CDH12: variants seen among roughly 807,000 people sequenced by gnomAD.
CDH12 encodes the protein cadherin 12.
In CDH12, 41 loss-of-function variants were observed where a neutral mutation model predicts 74.1. The ratio of observed to expected loss-of-function variants is 0.55; its 90% CI spans 0.43 to 0.72. CDH12 has a LOEUF of 0.72. CDH12 is among the 30% of genes least tolerant of loss of function. The probability of loss-of-function intolerance (pLI) is 0.00; values close to 1 mark genes in which losing one functional copy is unlikely to be tolerated. For synonymous variants in CDH12, 399 were observed against 355.0 expected, an observed-to-expected ratio of 1.12 and a Z score of -1.39; for missense variants, 945 against 977.2, an observed-to-expected ratio of 0.97 and a Z score of 0.44.
intron 2 of CDH12, among the ~76,000 whole-genome samples, chr5:22,406,397 T>A (rs1239641129): frequency 1.3e-5 from 2 of 152,134 alleles, no homozygotes; most frequent in Non-Finnish European, 2.9e-5. Context: ...GCAGCCTGCA[T>A]GATATTAAAG....
chr5:22,739,340 A>G, intron 1 of CDH12, among the ~76,000 whole-genome samples: 1 of 151,980 alleles, frequency 6.6e-6, no homozygotes, highest in African/African-American at 2.4e-5. Flanking sequence ...ACATTAAAGA[A>G]AAAACTCTGA....
chr5:22,550,339 A>G (rs1299510221), intron 1 of CDH12, among the ~76,000 whole-genome samples: 1 of 152,156 alleles, frequency 6.6e-6, no homozygotes, highest in African/African-American at 2.4e-5. Flanking sequence ...CCCATTGCCA[A>G]TCTGACAAAT....
chr5:22,555,870 A>G (rs1738781374), intron 1 of CDH12, among the ~76,000 whole-genome samples: 1 of 145,576 alleles, frequency 6.9e-6, no homozygotes, highest in Non-Finnish European at 1.5e-5. Context: ...ACAAACAATC[A>G]AGACCAAACA....
intron 3 of CDH12, among the ~76,000 whole-genome samples, chr5:22,370,077 T>C (rs1741212710): frequency 6.6e-6 from 1 of 152,188 alleles, no homozygotes; most frequent in Non-Finnish European, 1.5e-5. Flanking sequence ...CAGAAGCTTT[T>C]CTTTTCCCTT....
chr5:22,018,011 G>T (rs1051490532), intron 5 of CDH12, among the ~76,000 whole-genome samples: 4 of 152,000 alleles, frequency 2.6e-5, no homozygotes, highest in Admixed American at 2.0e-4. Flanking sequence ...CGCCCACCTT[G>T]GCCTCTCAAA....
At position 22,690,498 on chromosome 5, in the gene CDH12, T is replaced by G. The variant is rs1015685431; in HGVS notation, c.-523+162560A>C. ...AATTTACTTATTCCCTGACTCAATC[T>G]AAATCTATCTTCTGGAGATACAGAT... On this transcript the variant is annotated intron_variant, in intron 1 of 14. Transcript: ENST00000382254. Among the ~76,000 whole-genome samples, 12 of 152,304 alleles carry G rather than the reference T, an allele frequency of 7.9e-5. No homozygotes were observed. The South Asian group carries it at 1.7e-3, about 21-fold the overall frequency.
chr5:22,326,237 T>C (rs78146558), intron 3 of CDH12, among the ~76,000 whole-genome samples: 64,711 of 151,348 alleles, frequency 0.43, 13,833 homozygotes, highest in South Asian at 0.49. Context: ...TATTTTTTTT[T>C]TTTCTTTCTT....
At chr5:22,144,807 G>T (rs556920387) in intron 4 of CDH12, among the ~76,000 whole-genome samples, 1 of 151,730 alleles carries the variant, frequency 6.6e-6, no homozygotes, top group Non-Finnish European at 1.5e-5. Context: ...AATTCAAACC[G>T]TATGTATTGA....
intron 6 of CDH12, among the ~76,000 whole-genome samples, chr5:21,954,729 T>C (rs1191035981): frequency 6.6e-6 from 1 of 152,050 alleles, no homozygotes; most frequent in South Asian, 2.1e-4. Context: ...CAGGAGGGGT[T>C]TTAATACTGG....
intron 5 of CDH12, among the ~76,000 whole-genome samples, chr5:22,029,705 C>A (rs1301768488): frequency 6.6e-6 from 1 of 152,144 alleles, no homozygotes; most frequent in Non-Finnish European, 1.5e-5. Context: ...GTCAGTGTGG[C>A]AATTCCTCAG....
intron 2 of CDH12, among the ~76,000 whole-genome samples, chr5:22,488,182 T>A (rs1249291544): frequency 6.6e-6 from 1 of 152,222 alleles, no homozygotes; most frequent in Non-Finnish European, 1.5e-5. Flanking sequence ...AAGTAAGTCT[T>A]CAAACAAAAT....
Position 22,369,929 on chromosome 5 carries a change from G to A in CDH12, c.-333+35328C>T, listed in dbSNP as rs548422241. 2.0e-5 allele frequency among the ~76,000 whole-genome samples: 3 copies of A among 152,164 alleles called. No individual in the cohort carries two copies. The East Asian group carries it at 5.8e-4, about 29-fold the overall frequency. On this transcript the variant is annotated intron_variant, in intron 3 of 14. Coordinates refer to ENST00000382254, the MANE Select transcript of CDH12 (RefSeq NM_004061.5). ...CATTTTTCCTTAAAACATGGTGTCA[G>A]TTTCCATAGCCACAGACACAATAAC...
intron 5 of CDH12, among the ~76,000 whole-genome samples, chr5:22,070,099 T>A (rs1232659091): frequency 6.6e-6 from 1 of 152,182 alleles, no homozygotes; most frequent in African/African-American, 2.4e-5. Context: ...ATATTTAATA[T>A]CTTTTTTCTT....
intron 4 of CDH12, among the ~76,000 whole-genome samples, chr5:22,109,458 A>T (rs919743202): frequency 2.0e-5 from 3 of 152,164 alleles, no homozygotes; most frequent in African/African-American, 4.8e-5. Context: ...GGTTCAGGGA[A>T]CAAGCACAAA....
intron 6 of CDH12, among the ~76,000 whole-genome samples, chr5:21,868,176 C>CCAG: frequency 6.9e-6 from 1 of 144,938 alleles, no homozygotes; most frequent in African/African-American, 2.8e-5. Flanking sequence ...TGTAAATTGC[C>CCAG]TCTTTCTTTT....
intron 1 of CDH12, among the ~76,000 whole-genome samples, chr5:22,625,287 C>T (rs1301763544): frequency 6.6e-6 from 1 of 151,974 alleles, no homozygotes; most frequent in East Asian, 1.9e-4. Context: ...CACATGTACC[C>T]TAGAACTTAA....
intron 4 of CDH12, among the ~76,000 whole-genome samples, chr5:22,171,795 C>T (rs1218361798): frequency 6.6e-6 from 1 of 151,860 alleles, no homozygotes; most frequent in African/African-American, 2.4e-5. Flanking sequence ...GTGTTTATCC[C>T]TTTGCTCAAG....
At position 22,078,693 on chromosome 5, in the gene CDH12, A is replaced by G. The variant is rs372800711; in HGVS notation, c.-17T>C. On this transcript the variant is annotated 5_prime_UTR_variant, in exon 5 of 15. Coordinates refer to ENST00000382254, the MANE Select transcript of CDH12 (RefSeq NM_004061.5). The stretch of plus-strand genomic sequence containing the variant: ...TGTAAGCATTGGCAAAGGCTTTCCT[A>G]CAGCAGAGTAATAAAAACTCCAACA... 6.2e-7 allele frequency: 1 copy of G among 1,611,200 alleles called. No homozygotes were observed. The highest frequency in any genetic ancestry group is 8.5e-7 in the Non-Finnish European group (1 of 1,178,336).
At chr5:22,478,470 A>C (rs1746262748) in intron 2 of CDH12, among the ~76,000 whole-genome samples, 1 of 152,022 alleles carries the variant, frequency 6.6e-6, no homozygotes, top group Admixed American at 6.6e-5. Flanking sequence ...TTTTTAAAGA[A>C]AAGAATGTAA....
Sources: allele counts gnomAD v4.1 joint callset (sites outside exome capture counted in the v4.1 genomes callset), GRCh38; gene constraint gnomAD v4.1.1; transcripts MANE v1.5; gene names NCBI Gene and HGNC (gene_info 2026-07-23, HGNC 2026-07-21).